The following ATP6V1H variants were observed in gnomAD, a reference collection of about 807,000 sequenced individuals.
ATP6V1H encodes the protein ATPase H+ transporting V1 subunit H.
ATP6V1H carries 39 observed loss-of-function variants against 71.7 expected under a neutral mutation model. The ratio of observed to expected loss-of-function variants is 0.54; its 90% confidence interval spans 0.42 to 0.71. The LOEUF (loss-of-function observed/expected upper bound fraction) is 0.71, where lower values mean the gene tolerates loss of function less well. ATP6V1H is among the 30% of genes least tolerant of loss of function. The pLI is 0.00. For missense variants in ATP6V1H, 509 were observed against 594.9 expected (o/e 0.86, Z 1.50); for synonymous variants, 192 against 199.3 (o/e 0.96, Z 0.31).
chr8:53,794,522 C>T (rs776843142), intron 9 of ATP6V1H, among the ~76,000 whole-genome samples: 1 of 152,064 alleles, frequency 6.6e-6, no homozygotes, highest in African/African-American at 2.4e-5. Context: ...CATGACACCA[C>T]GCCCAGCTAA....
chr8:53,754,153 T>C (rs1807908258), intron 12 of ATP6V1H, among the ~76,000 whole-genome samples: 1 of 152,094 alleles, frequency 6.6e-6, no homozygotes, highest in East Asian at 1.9e-4. Context: ...AACCTCTCTG[T>C]AAAGGGCATT....
chr8:53,785,890 C>T (rs1020391804), intron 9 of ATP6V1H, among the ~76,000 whole-genome samples: 10 of 152,160 alleles, frequency 6.6e-5, no homozygotes, highest in African/African-American at 1.9e-4. Flanking sequence ...CTTGATCGTT[C>T]CTCTGGAAGT....
At chr8:53,756,695 T>C in intron 11 of ATP6V1H, 39 bp from the exon 12 acceptor site, 1 of 1,439,000 alleles carries the variant, frequency 6.9e-7, no homozygotes, top group Admixed American at 1.7e-5. Context: ...CAAGTTCTAA[T>C]TTTTCTATAG....
intron 9 of ATP6V1H, among the ~76,000 whole-genome samples, chr8:53,789,609 T>C (rs560378332): frequency 5.7e-4 from 86 of 152,184 alleles, no homozygotes; most frequent in African/African-American, 1.8e-3. Context: ...AAGGGAAAGA[T>C]ACATTCTTTG....
chr8:53,760,608 A>G (rs948625633), intron 11 of ATP6V1H, among the ~76,000 whole-genome samples: 5 of 152,078 alleles, frequency 3.3e-5, no homozygotes, highest in African/African-American at 4.8e-5. Flanking sequence ...CCTTAAACCT[A>G]TTTCTGCCCC....
intron 13 of ATP6V1H, among the ~76,000 whole-genome samples, chr8:53,719,828 A>G (rs761858894): frequency 6.6e-6 from 1 of 152,220 alleles, no homozygotes; most frequent in Non-Finnish European, 1.5e-5. Context: ...CTCTGGTCCT[A>G]TTCTATTCCA....
chr8:53,770,558 C>G (rs575031331), intron 10 of ATP6V1H, among the ~76,000 whole-genome samples: 1 of 152,090 alleles, frequency 6.6e-6, no homozygotes, highest in African/African-American at 2.4e-5. Flanking sequence ...TAAAGTAGTA[C>G]AATACTTTAA....
chr8:53,780,391 A>G (rs1384376802), intron 9 of ATP6V1H, among the ~76,000 whole-genome samples: 2 of 152,124 alleles, frequency 1.3e-5, no homozygotes, highest in Non-Finnish European at 2.9e-5. Flanking sequence ...ACATGTTCTC[A>G]TTTCATTGTG....
Position 53,811,169 on chromosome 8 carries a change from T to C in ATP6V1H, c.574A>G (p.Ser192Gly). 3 of 1,613,144 alleles carry C rather than the reference T, an allele frequency of 1.9e-6. No homozygotes were observed. The highest frequency in any genetic ancestry group is 2.5e-6 in the Non-Finnish European group (3 of 1,179,290). ...CAGTGAAGGAATATACTTACATCAC[T>C]TGAAGAGACTGTTCCTGTTTCAACA... ...VAVETGTVSS[S>G]DSSQYVQCVA... The change falls in exon 7 of 14, where the codon AGT (serine) becomes GGT (glycine). Residue 192 changes from serine to glycine, a missense_variant. Ser to Gly is a moderately conservative substitution (Grantham distance 56, BLOSUM62 0). Coordinates refer to ENST00000359530, the MANE Select transcript of ATP6V1H (RefSeq NM_015941.4).
At chr8:53,717,231 G>A (rs944833134) in intron 13 of ATP6V1H, among the ~76,000 whole-genome samples, 4 of 152,212 alleles carry the variant, frequency 2.6e-5, no homozygotes, top group Admixed American at 6.5e-5. Context: ...CTGCCGCCTA[G>A]GCCAAAGCAG....
chr8:53,784,011 A>G (rs1333857664), intron 9 of ATP6V1H, among the ~76,000 whole-genome samples: 1 of 152,202 alleles, frequency 6.6e-6, no homozygotes, highest in Non-Finnish European at 1.5e-5. Flanking sequence ...AAAAGAAAGT[A>G]TATTCCGTTG....
intron 9 of ATP6V1H, among the ~76,000 whole-genome samples, chr8:53,783,001 C>A (rs1012839979): frequency 4.6e-5 from 7 of 152,098 alleles, no homozygotes; most frequent in African/African-American, 1.4e-4. Flanking sequence ...GTCTAAAATT[C>A]TCTTTTTTTG....
chr8:53,794,480 C>T (rs1006399627), intron 9 of ATP6V1H, among the ~76,000 whole-genome samples: 14 of 152,170 alleles, frequency 9.2e-5, no homozygotes, highest in African/African-American at 3.4e-4. Context: ...ATTCTCCTGT[C>T]TCAGCCTCCT....
At chr8:53,773,985 T>C (rs1244090782) in intron 9 of ATP6V1H, among the ~76,000 whole-genome samples, 1 of 152,130 alleles carries the variant, frequency 6.6e-6, no homozygotes, top group East Asian at 1.9e-4. Flanking sequence ...AATAAAAAGA[T>C]AAAAGATTTT....
chr8:53,718,576 G>C (rs1483284650), intron 13 of ATP6V1H, among the ~76,000 whole-genome samples: 1 of 152,022 alleles, frequency 6.6e-6, no homozygotes, highest in Admixed American at 6.6e-5. Context: ...ATTTTGTACA[G>C]ACAGGGTTTC....
At chr8:53,806,951 T>C in intron 7 of ATP6V1H, 1 of 430,836 alleles carries the variant, frequency 2.3e-6, no homozygotes. Context: ...AGTTGAAAAA[T>C]CATAAGTTGG....
intron 9 of ATP6V1H, among the ~76,000 whole-genome samples, chr8:53,783,984 G>A (rs1438576622): frequency 6.6e-6 from 1 of 152,182 alleles, no homozygotes; most frequent in Non-Finnish European, 1.5e-5. Context: ...TTTTGGAATA[G>A]GTGTGGTGTG....
chr8:53,825,215 T>C (rs183092268), intron 4 of ATP6V1H, among the ~76,000 whole-genome samples: 109 of 152,296 alleles, frequency 7.2e-4, no homozygotes, highest in Non-Finnish European at 1.5e-4. Flanking sequence ...ATTAGTTTTT[T>C]AAATAGAGAC....
At position 53,795,801 on chromosome 8, in the gene ATP6V1H, A is replaced by T; in HGVS notation, c.716T>A (p.Leu239His). 1 of 1,613,358 alleles carries T rather than the reference A, an allele frequency of 6.2e-7. No individual in the cohort carries two copies. Among genetic ancestry groups the T allele is most frequent in the Non-Finnish European group, 8.5e-7 (1 of 1,179,804 alleles). ...GVLSNKCGFQ[L>H]QYQMIFSIWL... ...TATTGAAAAAATCATTTGATACTGGAGCTGAAAGCCACACTTGTTACTCAA... is the reference window on the plus strand; with the variant it reads ...TATTGAAAAAATCATTTGATACTGGTGCTGAAAGCCACACTTGTTACTCAA... The change falls in exon 9 of 14, where the codon CTC (leucine) becomes CAC (histidine). Residue 239 changes from leucine to histidine, a missense_variant. Leu to His is a moderately conservative substitution (Grantham distance 99). Coordinates refer to ENST00000359530, the MANE Select transcript of ATP6V1H (RefSeq NM_015941.4).
Sources: allele counts gnomAD v4.1 joint callset (sites outside exome capture counted in the v4.1 genomes callset), GRCh38; gene constraint gnomAD v4.1.1; transcripts MANE v1.5; gene names NCBI Gene and HGNC (gene_info 2026-07-23, HGNC 2026-07-21).